Variants in TMEM38B observed in about 807,000 individuals in gnomAD.
TMEM38B encodes the protein transmembrane protein 38B, also known as trimeric intracellular cation channel type B.
A neutral mutation model predicts 28.7 loss-of-function variants in TMEM38B; 24 were observed. The observed-to-expected ratio is 0.84, with a 90% confidence interval of 0.61 to 1.18. TMEM38B has a LOEUF of 1.18. Ranked by LOEUF, TMEM38B falls within the 50% of genes most tolerant of loss-of-function variation. TMEM38B has a pLI of 0.00. For synonymous variants in TMEM38B, 131 were observed against 127.7 expected, an observed-to-expected ratio of 1.03 and a Z score of -0.17; for missense variants, 380 against 350.9, an observed-to-expected ratio of 1.08 and a Z score of -0.66.
chr9:105,713,482 G>C (rs1338587249), intron 2 of TMEM38B, among the ~76,000 whole-genome samples: 3 of 152,220 alleles, frequency 2.0e-5, no homozygotes, highest in Non-Finnish European at 4.4e-5. Flanking sequence ...GCTTGGGGCA[G>C]TGCTGACGTG....
chr9:105,762,069 A>AAT (rs2133640759), intron 5 of TMEM38B, among the ~76,000 whole-genome samples: 1 of 152,226 alleles, frequency 6.6e-6, no homozygotes, highest in African/African-American at 2.4e-5. Context: ...AGTGTAAAGA[A>AAT]ATATATAATG....
At position 105,722,556 on chromosome 9, in the gene TMEM38B, G is replaced by T; in HGVS notation, c.477G>T (p.Thr159=). 1.2e-6 allele frequency: 2 copies of T among 1,613,548 alleles called. No homozygotes were observed. The highest frequency in any genetic ancestry group is 2.2e-5 in the South Asian group (2 of 91,052). The part of the protein sequence containing the change: ...WARGAGGTII[T]NFERLVKGDW... ...TAGGTGCAGGTGGTACCATTATAAC[G>T]AATTTTGAGAGGTTGGTAAAAGGAG... is the stretch of plus-strand genomic sequence containing the variant. The change falls in exon 4 of 6, where the codon ACG becomes ACT. Residue 159 remains threonine (T), a synonymous_variant. Transcript: ENST00000374692.
At chr9:105,729,701 TC>T (rs1330249428) in intron 4 of TMEM38B, among the ~76,000 whole-genome samples, 1 of 152,216 alleles carries the variant, frequency 6.6e-6, no homozygotes, top group Non-Finnish European at 1.5e-5. Flanking sequence ...TATTGATTCT[TC>T]CTACCCATGA....
At chr9:105,746,363 A>T (rs943797899) in intron 4 of TMEM38B, among the ~76,000 whole-genome samples, 4 of 152,212 alleles carry the variant, frequency 2.6e-5, no homozygotes, top group Non-Finnish European at 5.9e-5. Flanking sequence ...TTCACTCATG[A>T]TTTGGCTCTC....
intron 5 of TMEM38B, among the ~76,000 whole-genome samples, chr9:105,765,151 G>A (rs575458391): frequency 6.6e-6 from 1 of 152,240 alleles, no homozygotes; most frequent in Admixed American, 6.5e-5. Context: ...GCATTTGTAT[G>A]CTGAAACTTT....
intron 4 of TMEM38B, among the ~76,000 whole-genome samples, chr9:105,739,269 C>G (rs745314358): frequency 1.3e-5 from 2 of 150,534 alleles, no homozygotes; most frequent in Non-Finnish European, 2.9e-5. Context: ...TTAGTTAAGT[C>G]CCCAAATTAG....
chr9:105,771,329 A>C (rs1039748831), intron 5 of TMEM38B, among the ~76,000 whole-genome samples: 3 of 152,176 alleles, frequency 2.0e-5, no homozygotes, highest in African/African-American at 7.2e-5. Context: ...TGAATTCACA[A>C]AATTTTGTCC....
chr9:105,720,545 G>A (rs1836278404), intron 2 of TMEM38B, among the ~76,000 whole-genome samples: 1 of 152,036 alleles, frequency 6.6e-6, no homozygotes, highest in African/African-American at 2.4e-5. Context: ...AGAAGAAAGG[G>A]TGCTTTAGGC....
chr9:105,724,220 TC>T (rs1301038118), intron 4 of TMEM38B, among the ~76,000 whole-genome samples: 3 of 152,086 alleles, frequency 2.0e-5, no homozygotes, highest in African/African-American at 7.2e-5. Context: ...TTCCCATAAT[TC>T]AAGAAGGAAA....
chr9:105,751,743 C>T (rs79230453), intron 5 of TMEM38B, among the ~76,000 whole-genome samples: 4,371 of 152,242 alleles, frequency 0.029, 96 homozygotes, highest in Non-Finnish European at 0.044. Context: ...TAGACTCAGC[C>T]GTTCCAGCCT....
intron 4 of TMEM38B, among the ~76,000 whole-genome samples, chr9:105,740,195 C>T (rs1378001996): frequency 6.6e-6 from 1 of 151,088 alleles, no homozygotes; most frequent in East Asian, 2.0e-4. Context: ...AAACTTTTTT[C>T]AGTAATGTTT....
intron 5 of TMEM38B, chr9:105,759,879 G>A (rs1837971583): frequency 1.3e-6 from 2 of 1,591,274 alleles, no homozygotes; most frequent in Admixed American, 1.8e-5. Context: ...GTACAAGAAG[G>A]AATAGTTGTA....
At chr9:105,772,041 C>T (rs1480759123) in intron 5 of TMEM38B, among the ~76,000 whole-genome samples, 4 of 152,116 alleles carry the variant, frequency 2.6e-5, no homozygotes, top group African/African-American at 7.2e-5. Flanking sequence ...TTCAGTTTGC[C>T]CTTCTACAGT....
chr9:105,761,002 C>T (rs987266899), intron 5 of TMEM38B, among the ~76,000 whole-genome samples: 1 of 152,158 alleles, frequency 6.6e-6, no homozygotes, highest in Non-Finnish European at 1.5e-5. Context: ...TCCAGTAAGG[C>T]TATCATGATA....
intron 4 of TMEM38B, among the ~76,000 whole-genome samples, chr9:105,725,619 A>G (rs562873598): frequency 6.6e-6 from 1 of 152,252 alleles, no homozygotes; most frequent in East Asian, 1.9e-4. Context: ...CTGTTAGGCT[A>G]CAAACCTTTA....
chr9:105,766,067 G>T (rs1826362020), intron 5 of TMEM38B, among the ~76,000 whole-genome samples: 1 of 152,134 alleles, frequency 6.6e-6, no homozygotes, highest in African/African-American at 2.4e-5. Flanking sequence ...TCCCAGTGCT[G>T]GAATTACAGG....
At chr9:105,751,383 C>G (rs894247111) in intron 5 of TMEM38B, among the ~76,000 whole-genome samples, 4 of 152,208 alleles carry the variant, frequency 2.6e-5, no homozygotes, top group African/African-American at 9.7e-5. Flanking sequence ...ACCCGTAGAT[C>G]AGGAAATCCC....
intron 5 of TMEM38B, chr9:105,758,287 C>A: frequency 2.9e-6 from 2 of 693,346 alleles, no homozygotes; most frequent in Non-Finnish European, 5.2e-6. Context: ...GACGTTAAAT[C>A]CTTCTAAAGA....
At position 105,721,691 on chromosome 9, in the gene TMEM38B, A is replaced by G. The variant is rs1237994355; in HGVS notation, c.424A>G (p.Ile142Val). Residue 142 changes from isoleucine to valine, a missense_variant, in exon 3 of 6, where the codon ATA becomes GTA. Ile to Val is a conservative substitution (Grantham distance 29). Coordinates refer to ENST00000374692, the MANE Select transcript of TMEM38B (RefSeq NM_018112.3). ...HANSYYKNGW[I>V]VMIAIGWARG... ...TAATAGCTATTACAAAAATGGCTGG[A>G]TAGTCATGATAGCTATTGGATGGGC... 3 of 1,612,826 alleles carry G rather than the reference A, an allele frequency of 1.9e-6. No individual in the cohort carries two copies. The highest frequency in any genetic ancestry group is 1.1e-5 in the South Asian group (1 of 90,836).
Sources: gnomAD v4.1 joint callset for allele counts (sites outside exome capture counted in the v4.1 genomes callset) on GRCh38, gnomAD v4.1.1 for gene constraint, MANE v1.5 for transcripts, NCBI Gene and HGNC (gene_info 2026-07-23, HGNC 2026-07-21) for gene names.